The following TSHZ2 variants were observed in gnomAD, a reference collection of about 807,000 sequenced individuals.
The protein encoded by TSHZ2 is teashirt zinc finger homeobox 2, also known as teashirt homolog 2.
TSHZ2 carries 21 observed loss-of-function variants against 74.4 expected under a neutral mutation model. The ratio of observed to expected loss-of-function variants is 0.28; its 90% CI spans 0.20 to 0.41. The LOEUF is 0.41. TSHZ2 is among the 10% of genes least tolerant of loss of function. The probability of loss-of-function intolerance (pLI) is 1.00; values close to 1 mark genes in which losing one functional copy is unlikely to be tolerated. For synonymous variants in TSHZ2, 540 were observed against 515.3 expected, an observed-to-expected ratio of 1.05 and a Z score of -0.65; for missense variants, 1,244 against 1,293.5, an observed-to-expected ratio of 0.96 and a Z score of 0.59.
At chr20:53,227,516 T>C (rs1989712933) in intron 1 of TSHZ2, among the ~76,000 whole-genome samples, 1 of 151,314 alleles carries the variant, frequency 6.6e-6, no homozygotes, top group Admixed American at 6.6e-5. Context: ...ATACCTGTTA[T>C]TAAATGACCT....
At chr20:53,270,966 G>A (rs1990823001) in intron 2 of TSHZ2, among the ~76,000 whole-genome samples, 1 of 152,044 alleles carries the variant, frequency 6.6e-6, no homozygotes, top group African/African-American at 2.4e-5. Flanking sequence ...GCTGCCTTTC[G>A]TTAGACTCTC....
At chr20:53,205,501 A>G (rs977736454) in intron 1 of TSHZ2, among the ~76,000 whole-genome samples, 6 of 152,220 alleles carry the variant, frequency 3.9e-5, no homozygotes, top group East Asian at 1.9e-4. Flanking sequence ...CCAAATGTTA[A>G]GAAAACTATC....
chr20:53,255,182 T>C lies in TSHZ2; in HGVS notation c.1724T>C (p.Leu575Pro). The C allele has an allele frequency of 6.2e-7, 1 of 1,614,152 alleles. No homozygotes were observed. Among genetic ancestry groups the C allele is most frequent in the Admixed American group, 1.7e-5 (1 of 60,026 alleles). ...LQIRPNLTNK[L>P]RPIAPKWKVM... ...ATCCGGCCTAATCTCACCAACAAGCTGAGGCCCATTGCACCAAAGTGGAAA... is the reference window on the plus strand; with the variant it reads ...ATCCGGCCTAATCTCACCAACAAGCCGAGGCCCATTGCACCAAAGTGGAAA... The change falls in exon 2 of 3, where the codon CTG becomes CCG. Residue 575 changes from leucine (L) to proline (P), a missense_variant. Transcript: ENST00000371497. The surrounding 1 kb of genome is among the most constrained non-coding windows in gnomAD (Gnocchi z 4.1).
At chr20:53,076,006 G>A (rs574264760) in intron 1 of TSHZ2, among the ~76,000 whole-genome samples, 7 of 152,308 alleles carry the variant, frequency 4.6e-5, no homozygotes, top group African/African-American at 1.4e-4. Context: ...CTAGCGAGAG[G>A]TGGTTACACC....
intron 1 of TSHZ2, among the ~76,000 whole-genome samples, chr20:53,051,453 G>A (rs867921447): frequency 5.1e-4 from 53 of 103,066 alleles, no homozygotes; most frequent in South Asian, 1.7e-3. Flanking sequence ...ACTCTGTGGC[G>A]CACGCACACA....
At chr20:53,362,126 C>T (rs551260991) in intron 2 of TSHZ2, among the ~76,000 whole-genome samples, 128 of 152,114 alleles carry the variant, frequency 8.4e-4, no homozygotes, top group African/African-American at 2.5e-3. Context: ...CTGGGCCTCC[C>T]GAAGTGCTGG....
intron 1 of TSHZ2, among the ~76,000 whole-genome samples, chr20:53,002,829 T>C (rs1244840561): frequency 6.6e-6 from 1 of 152,172 alleles, no homozygotes; most frequent in Non-Finnish European, 1.5e-5. Flanking sequence ...AATAGAAGTT[T>C]ATCTGTGAGC....
intron 2 of TSHZ2, among the ~76,000 whole-genome samples, chr20:53,366,227 CA>C (rs1292036576): frequency 1.3e-5 from 2 of 152,184 alleles, no homozygotes; most frequent in East Asian, 3.9e-4. Context: ...ACTGTGGAGA[CA>C]AAGTTTCTCA....
At chr20:53,165,097 A>G (rs909280569) in intron 1 of TSHZ2, among the ~76,000 whole-genome samples, 6 of 151,180 alleles carry the variant, frequency 4.0e-5, no homozygotes, top group African/African-American at 7.3e-5. Context: ...GGAAGGGTGG[A>G]TGGATGGATG....
At chr20:53,235,424 C>A (rs1353895232) in intron 1 of TSHZ2, among the ~76,000 whole-genome samples, 1 of 152,142 alleles carries the variant, frequency 6.6e-6, no homozygotes, top group Non-Finnish European at 1.5e-5. Flanking sequence ...CCCACCTCAG[C>A]CTCCCAAAGT....
At chr20:53,469,045 T>TA (rs1985655239) in intron 2 of TSHZ2, among the ~76,000 whole-genome samples, 20 of 49,112 alleles carry the variant, frequency 4.1e-4, no homozygotes, top group Admixed American at 1.0e-3. Context: ...AATCGATATT[T>TA]TATATATATA....
rs1555813623 is a variant in TSHZ2, at chr20:53,001,230, G to GTATGTGTGTGTGTGTGTGTGTA, written c.40+27898_40+27899insATGTGTGTGTGTGTGTGTGTAT. ...CGTGTGTGTGTGTGTGTGTGTGTGTGTGTGTGTGTGTGTGTGTGTGTGTGT... is the reference window on the plus strand; with the variant it reads ...CGTGTGTGTGTGTGTGTGTGTGTGTGTATGTGTGTGTGTGTGTGTGTATGTGTGTGTGTGTGTGTGTGTGTGT... On this transcript the variant is annotated intron_variant, in intron 1 of 2. Coordinates refer to ENST00000371497, the MANE Select transcript of TSHZ2 (RefSeq NM_173485.6). Among the ~76,000 whole-genome samples the GTATGTGTGTGTGTGTGTGTGTA allele has an allele frequency of 8.0e-3, 1,005 of 126,166 alleles. 2 individuals carry two copies. Among genetic ancestry groups the GTATGTGTGTGTGTGTGTGTGTA allele is most frequent in the Non-Finnish European group, 0.011 (593 of 56,390 alleles). 82.8% of individuals were successfully genotyped at this position (126,166 alleles called of 152,430 possible).
chr20:53,076,788 C>T, intron 1 of TSHZ2, among the ~76,000 whole-genome samples: 1 of 152,090 alleles, frequency 6.6e-6, no homozygotes, highest in Admixed American at 6.5e-5. Flanking sequence ...TGATGAAGGA[C>T]TAGATGGAGG....
intron 2 of TSHZ2, among the ~76,000 whole-genome samples, chr20:53,281,093 T>A (rs1216101529): frequency 6.6e-6 from 1 of 152,244 alleles, no homozygotes; most frequent in East Asian, 1.9e-4. Context: ...ATGCAGTTTA[T>A]GTGCTGTTGC....
In TSHZ2 at chr20:53,253,875, A is replaced by G; in HGVS notation, c.417A>G (p.Ser139=). The G allele has an allele frequency of 3.1e-6, 5 of 1,614,236 alleles. No homozygotes were observed. Among genetic ancestry groups the G allele is most frequent in the Non-Finnish European group, 4.2e-6 (5 of 1,180,036 alleles). Reference sequence around the variant, plus strand: ...ACATCCTGTCGGATTCCTACTGGTCAGGCCTGGGCCTTGGCTTCAAGCTGT... The same window carrying G: ...ACATCCTGTCGGATTCCTACTGGTCGGGCCTGGGCCTTGGCTTCAAGCTGT... ...YANILSDSYW[S]GLGLGFKLSN... Residue 139 remains serine, a synonymous_variant, in exon 2 of 3, where the codon TCA becomes TCG. Coordinates refer to ENST00000371497, the MANE Select transcript of TSHZ2 (RefSeq NM_173485.6).
intron 1 of TSHZ2, among the ~76,000 whole-genome samples, chr20:53,193,507 C>T (rs996037733): frequency 1.6e-4 from 24 of 152,106 alleles, no homozygotes; most frequent in Admixed American, 1.3e-3. Context: ...TATGTTGTCT[C>T]CCTGTGACAC....
intron 2 of TSHZ2, among the ~76,000 whole-genome samples, chr20:53,384,080 G>T (rs1010879254): frequency 6.6e-6 from 1 of 152,124 alleles, no homozygotes; most frequent in African/African-American, 2.4e-5. Context: ...TGGTGCCCAG[G>T]GAAGGCCCCC....
At chr20:53,278,811 G>A (rs942595599) in intron 2 of TSHZ2, among the ~76,000 whole-genome samples, 1 of 152,112 alleles carries the variant, frequency 6.6e-6, no homozygotes, top group Admixed American at 6.6e-5. Flanking sequence ...TGTGGGCCAT[G>A]CAGTCTGTGT....
At chr20:53,125,123 T>A (rs1031061544) in intron 1 of TSHZ2, among the ~76,000 whole-genome samples, 2 of 152,260 alleles carry the variant, frequency 1.3e-5, no homozygotes, top group African/African-American at 4.8e-5. Context: ...AAAATGAGGA[T>A]GATAATAATC....
Sources: gnomAD v4.1 joint callset for allele counts (sites outside exome capture counted in the v4.1 genomes callset) on GRCh38, gnomAD v4.1.1 for gene constraint, Gnocchi (gnomAD v3.1) non-coding constraint, MANE v1.5 for transcripts, NCBI Gene and HGNC (gene_info 2026-07-23, HGNC 2026-07-21) for gene names.